RIPK1: variants seen among roughly 807,000 people sequenced by gnomAD.
RIPK1 encodes receptor interacting serine/threonine kinase 1.
RIPK1 carries 27 observed loss-of-function variants against 62.4 expected under a neutral mutation model. That is an observed-to-expected ratio of 0.43 (90% CI 0.32 to 0.60). The LOEUF (loss-of-function observed/expected upper bound fraction) is 0.60. RIPK1 is among the 20% of genes least tolerant of loss of function. RIPK1 has a pLI of 0.07. For missense variants in RIPK1, 735 were observed against 831.0 expected (o/e 0.88, Z 1.42); for synonymous variants, 287 against 303.2 (o/e 0.95, Z 0.55).
At chr6:3,078,432 C>T (rs140709896) in intron 3 of RIPK1, among the ~76,000 whole-genome samples, 17 of 152,220 alleles carry the variant, frequency 1.1e-4, no homozygotes, top group Admixed American at 2.0e-4. Context: ...TCTTCATCCT[C>T]TCGATCCTGT....
At chr6:3,083,036 T>C in intron 4 of RIPK1, 49 bp from the exon 5 acceptor site, 1 of 1,569,626 alleles carries the variant, frequency 6.4e-7, no homozygotes, top group Non-Finnish European at 8.8e-7. Context: ...AGATCTGATT[T>C]GCTTACGGCC....
At position 3,083,297 on chromosome 6, in the gene RIPK1, TAAG is replaced by T; in HGVS notation, c.673_675del (p.Lys225del). ...TAGTACTCTGGGCGATATTTGCAAA[TAAG>T]GAGCCATATGAAAGTAAGGCATTAC... is the stretch of plus-strand genomic sequence containing the variant. On this transcript the variant is annotated inframe_deletion, in exon 5 of 11. Coordinates refer to ENST00000259808, the MANE Select transcript of RIPK1 (RefSeq NM_001354930.2). 6.2e-6 allele frequency: 10 copies of T among 1,612,808 alleles called. No individual in the cohort carries two copies. The highest frequency in any genetic ancestry group is 8.5e-6 in the Non-Finnish European group (10 of 1,179,862).
chr6:3,110,741 C>T (rs1761112365), intron 9 of RIPK1, 62 bp from the exon 10 acceptor site: 2 of 1,043,694 alleles, frequency 1.9e-6, no homozygotes, highest in Non-Finnish European at 2.8e-6. Flanking sequence ...TTTTGCCATG[C>T]TGTATTTTTT....
At chr6:3,075,459 A>T (rs1759002240) in intron 1 of RIPK1, among the ~76,000 whole-genome samples, 1 of 152,132 alleles carries the variant, frequency 6.6e-6, no homozygotes, top group Non-Finnish European at 1.5e-5. Context: ...TAGAGTTTGC[A>T]TTGTTCTTTT....
intron 1 of RIPK1, among the ~76,000 whole-genome samples, chr6:3,075,581 C>G (rs753320741): frequency 2.0e-5 from 3 of 152,180 alleles, no homozygotes; most frequent in Non-Finnish European, 4.4e-5. Context: ...GTGCTGCTTG[C>G]TGTAGCTGCA....
At chr6:3,099,404 C>T (rs1251059497) in intron 7 of RIPK1, among the ~76,000 whole-genome samples, 10 of 152,096 alleles carry the variant, frequency 6.6e-5, no homozygotes, top group Admixed American at 3.9e-4. Flanking sequence ...ATTAGCCAGG[C>T]GTGGTGGCAG....
intron 3 of RIPK1, among the ~76,000 whole-genome samples, chr6:3,078,856 G>A (rs892165221): frequency 3.3e-5 from 5 of 151,926 alleles, no homozygotes; most frequent in Non-Finnish European, 7.4e-5. Flanking sequence ...CTAATATGAC[G>A]TAGGAGAGTA....
chr6:3,104,095 A>T (rs1760709981), intron 7 of RIPK1, 130 bp from the exon 8 acceptor site: 4 of 560,784 alleles, frequency 7.1e-6, no homozygotes, highest in South Asian at 4.9e-5. Context: ...CATTAATTTT[A>T]AAAAATTACT....
intron 6 of RIPK1, 83 bp downstream of exon 6, chr6:3,085,491 A>G: frequency 6.9e-7 from 1 of 1,454,030 alleles, no homozygotes; most frequent in Middle Eastern, 1.8e-4. Context: ...CTTGGTTTGA[A>G]TCCTCAGAAA....
chr6:3,067,822 A>G (rs566119101), upstream of RIPK1, among the ~76,000 whole-genome samples: 78 of 151,440 alleles, frequency 5.2e-4, no homozygotes, highest in Non-Finnish European at 8.7e-4. Flanking sequence ...GGCTCACTAC[A>G]ATCTCCACCT....
Position 3,083,169 on chromosome 6 carries a change from A to G in RIPK1, c.544A>G (p.Thr182Ala), listed in dbSNP as rs1213916915. The change falls in exon 5 of 11, where the codon ACC (threonine) becomes GCC (alanine). Residue 182 changes from threonine to alanine, a missense_variant. Physicochemically the swap from Thr to Ala is moderately conservative, Grantham distance 58. Coordinates refer to ENST00000259808, the MANE Select transcript of RIPK1 (RefSeq NM_001354930.2). Reference protein sequence around the residue: ...EHNELREVDGTAKKNGGTLYY... With the variant: ...EHNELREVDGAAKKNGGTLYY... ...CAATGAGCTGAGGGAAGTGGACGGC[A>G]CCGCTAAGAAGAATGGCGGCACCCT... is the stretch of plus-strand genomic sequence containing the variant. The G allele has an allele frequency of 6.2e-7, 1 of 1,614,100 alleles. No homozygotes were observed.
intron 7 of RIPK1, among the ~76,000 whole-genome samples, chr6:3,096,251 T>C (rs991205605): frequency 6.6e-6 from 1 of 152,088 alleles, no homozygotes; most frequent in Non-Finnish European, 1.5e-5. Flanking sequence ...AAAGAAGAGA[T>C]ATAGGATTGG....
At chr6:3,109,079 G>A (rs1222921147) in intron 9 of RIPK1, among the ~76,000 whole-genome samples, 1 of 152,164 alleles carries the variant, frequency 6.6e-6, no homozygotes, top group Admixed American at 6.6e-5. Flanking sequence ...CAGCATGAAT[G>A]TCATTGAGCC....
Position 3,095,236 on chromosome 6 carries a change from A to G in RIPK1, c.915+5579A>G, listed in dbSNP as rs376725171. Among the ~76,000 whole-genome samples, 69 of 152,330 alleles carry G rather than the reference A, an allele frequency of 4.5e-4. No individual in the cohort carries two copies. In the South Asian group the frequency reaches 0.013, roughly 28 times the overall value. ...TGGACCAATGTCTTTAAAAAGTTCA[A>G]TTTAGCAAAGCTAACTCAAATAGAG... On this transcript the variant is annotated intron_variant, in intron 7 of 10. Transcript: ENST00000259808.
At chr6:3,089,938 A>G (rs1335748826) in intron 7 of RIPK1, among the ~76,000 whole-genome samples, 1 of 152,252 alleles carries the variant, frequency 6.6e-6, no homozygotes, top group Non-Finnish European at 1.5e-5. Flanking sequence ...TGGATCAGCC[A>G]TTTTGAGGAA....
chr6:3,113,715 GAGAGA>G lies in RIPK1; in HGVS notation c.*382_*386del, dbSNP rs1366848908. The G allele has an allele frequency of 1.8e-5, 3 of 166,582 alleles. No individual in the cohort carries two copies. Among genetic ancestry groups the G allele is most frequent in the African/African-American group, 4.8e-5 (2 of 42,086 alleles). 10.3% of individuals were successfully genotyped at this position (166,582 alleles called of 1,614,324 possible). On this transcript the variant is annotated 3_prime_UTR_variant, in exon 11 of 11. Transcript: ENST00000259808. This position sits in a 1 kb window ranked among gnomAD's most constrained non-coding sequence, Gnocchi z 5.0. ...TGACTCCTAGTTGTGTTTGGAAAGG[GAGAGA>G]AGAGATGTCTGAGGAAGGTCATGTT...
intron 8 of RIPK1, 39 bp downstream of exon 8, chr6:3,104,354 T>G (rs1581430344): frequency 1.8e-6 from 2 of 1,108,576 alleles, no homozygotes; most frequent in East Asian, 4.7e-5. Flanking sequence ...CATTTATTTG[T>G]TTGGTTACTC....
At chr6:3,068,387 C>T (rs995645161), upstream of RIPK1, 8 of 985,468 alleles carry the variant, frequency 8.1e-6, no homozygotes, top group Non-Finnish European at 8.4e-6. Context: ...CGCAAGAGAG[C>T]TCCGGGACTC....
chr6:3,095,792 G>C (rs955640291), intron 7 of RIPK1, among the ~76,000 whole-genome samples: 2 of 151,210 alleles, frequency 1.3e-5, no homozygotes, highest in Non-Finnish European at 2.9e-5. Context: ...CTGATAATAA[G>C]GTATCTTGAA....
Sources: allele counts gnomAD v4.1 joint callset (sites outside exome capture counted in the v4.1 genomes callset), GRCh38; gene constraint gnomAD v4.1.1; non-coding constraint Gnocchi (gnomAD v3.1); transcripts MANE v1.5; gene names NCBI Gene and HGNC (gene_info 2026-07-23, HGNC 2026-07-21).